SERTAD4: variants seen among roughly 807,000 people sequenced by gnomAD.
SERTAD4 encodes SERTA domain containing 4.
A neutral mutation model predicts 32.9 loss-of-function variants in SERTAD4; 18 were observed. The observed-to-expected ratio is 0.55, with a 90% CI of 0.38 to 0.81. The LOEUF (loss-of-function observed/expected upper bound fraction) is 0.81, where lower values mean the gene tolerates loss of function less well. Ranked by LOEUF, SERTAD4 falls within the 30% of genes least tolerant of loss-of-function variation. The pLI is 0.00. For synonymous variants in SERTAD4, 150 were observed against 156.4 expected, an observed-to-expected ratio of 0.96 and a Z score of 0.30; for missense variants, 383 against 426.0, an observed-to-expected ratio of 0.90 and a Z score of 0.89.
chr1:210,244,459 G>T lies in SERTAD4; in HGVS notation c.*2122G>T, dbSNP rs1475633204. 3 of 152,136 alleles carry T rather than the reference G, an allele frequency of 2.0e-5. No individual in the cohort carries two copies. The highest frequency in any genetic ancestry group is 4.4e-5 in the Non-Finnish European group (3 of 68,022). The allele number at this position is 152,136 out of a possible 1,614,324, so 9.4% of individuals were successfully genotyped here. On this transcript the variant is annotated 3_prime_UTR_variant, in exon 4 of 4. Coordinates refer to ENST00000367012, the MANE Select transcript of SERTAD4 (RefSeq NM_019605.5). ...ATTGCATTATGAACTGTCAAACTGT[G>T]AAGATGACCCATATGTAAACAGTTA...
In SERTAD4 at chr1:210,241,973, C is replaced by CT. The variant is rs989693586; in HGVS notation, c.710dup (p.Leu237PhefsTer11). ...TCTTCCTCTTCCTCTCCCCCTTTGC[C>CT]TTTACCGAGTTGTTCCCGCCAGGTG... On this transcript the variant is annotated frameshift_variant, in exon 4 of 4. Transcript: ENST00000367012. LOFTEE classifies it high-confidence loss of function. 1 of 1,614,030 alleles carries CT rather than the reference C, an allele frequency of 6.2e-7. No individual in the cohort carries two copies. The highest frequency in any genetic ancestry group is 8.5e-7 in the Non-Finnish European group (1 of 1,180,042).
chr1:210,241,523 T>G, intron 3 of SERTAD4, 35 bp from the exon 4 acceptor site: 2 of 1,459,768 alleles, frequency 1.4e-6, no homozygotes, highest in Non-Finnish European at 1.8e-6. Flanking sequence ...CCTTTTTCTG[T>G]TTGTTTTTTT....
rs947323901 is a variant in SERTAD4 at position 210,244,971 on chromosome 1, G to C, written c.*2634G>C. The C allele has an allele frequency of 3.3e-5, 5 of 152,158 alleles. No individual in the cohort carries two copies. The highest frequency in any genetic ancestry group is 1.2e-4 in the African/African-American group (5 of 41,424). 9.4% of individuals were successfully genotyped at this position (152,158 alleles called of 1,614,324 possible). ...CCAAACCACAAAAATTCTCTTGTTA[G>C]TAGGCGAGAGTGCTAGGACTTCCTG... On this transcript the variant is annotated 3_prime_UTR_variant, in exon 4 of 4. Transcript: ENST00000367012.
chr1:210,235,669 CTCACAACCAAAAAAG>C (rs987630472), intron 1 of SERTAD4, among the ~76,000 whole-genome samples: 4 of 152,020 alleles, frequency 2.6e-5, no homozygotes, highest in Admixed American at 1.3e-4. Flanking sequence ...GCTGAAATTC[CTCACAACCAAAAAAG>C]GTACTACCAA....
intron 1 of SERTAD4, chr1:210,233,983 G>C (rs754065398): frequency 9.6e-6 from 3 of 311,406 alleles, no homozygotes; most frequent in Non-Finnish European, 1.8e-5. Context: ...AAGGAAACTT[G>C]GTTTTTTTTT....
intron 3 of SERTAD4, among the ~76,000 whole-genome samples, chr1:210,239,851 T>A (rs1038296235): frequency 2.0e-5 from 3 of 152,170 alleles, no homozygotes; most frequent in Non-Finnish European, 2.9e-5. Flanking sequence ...TCCAAGGAAT[T>A]TTTTTTAACG....
intron 1 of SERTAD4, chr1:210,233,691 C>G (rs887865187): frequency 2.1e-6 from 1 of 470,630 alleles, no homozygotes; most frequent in African/African-American, 2.0e-5. Context: ...CTCTCGCTTC[C>G]CTTCCTCCCC....
At position 210,244,395 on chromosome 1, in the gene SERTAD4, A is replaced by G. The variant is rs2084028138; in HGVS notation, c.*2058A>G. The G allele has an allele frequency of 6.6e-6, 1 of 152,214 alleles. No homozygotes were observed. The highest frequency in any genetic ancestry group is 2.4e-5 in the African/African-American group (1 of 41,456). 9.4% of individuals were successfully genotyped at this position (152,214 alleles called of 1,614,324 possible). A position where few individuals can be genotyped will look rare whatever the true frequency, so the allele number is the denominator to read the frequency against. On this transcript the variant is annotated 3_prime_UTR_variant, in exon 4 of 4. Transcript: ENST00000367012. ...CCTTTCTGGAGTGTCTCTGAAAAAA[A>G]TTGTATAACACGAAGCCATAAATAC...
rs2084009803 is a variant in SERTAD4 at position 210,242,561 on chromosome 1, T to C, written c.*224T>C. 7.7e-7 allele frequency: 1 copy of C among 1,301,394 alleles called. No individual in the cohort carries two copies. Among genetic ancestry groups the C allele is most frequent in the South Asian group, 2.6e-5 (1 of 37,960 alleles). 80.6% of individuals were successfully genotyped at this position (1,301,394 alleles called of 1,614,324 possible). On this transcript the variant is annotated 3_prime_UTR_variant, in exon 4 of 4. Transcript: ENST00000367012. This position sits in a 1 kb window ranked among gnomAD's most constrained non-coding sequence, Gnocchi z 4.0. ...ATTTTTACCAAGGAAACGATTGACT[T>C]AATGCTTAAAAGTATATCATAGTTT...
In SERTAD4 at chr1:210,244,910, A is replaced by T. The variant is rs1456560716; in HGVS notation, c.*2573A>T. On this transcript the variant is annotated 3_prime_UTR_variant, in exon 4 of 4. Transcript: ENST00000367012. The stretch of plus-strand genomic sequence containing the variant: ...GGATATTTCTAGCATTGCAAAAAAA[A>T]ATTTCTTCACCAAACACTAATTCCT... 2 of 152,160 alleles carry T rather than the reference A, an allele frequency of 1.3e-5. No individual in the cohort carries two copies. The highest frequency in any genetic ancestry group is 2.9e-5 in the Non-Finnish European group (2 of 68,022). 9.4% of individuals were successfully genotyped at this position (152,160 alleles called of 1,614,324 possible). A position where few individuals can be genotyped will look rare whatever the true frequency, so the allele number is the denominator to read the frequency against.
chr1:210,237,998 C>G lies in SERTAD4; in HGVS notation c.38C>G (p.Pro13Arg), dbSNP rs144468837. The G allele has an allele frequency of 2.3e-3, 3,672 of 1,613,714 alleles. 36 individuals carry two copies. The highest frequency in any genetic ancestry group is 1.4e-3 in the Non-Finnish European group (1,619 of 1,179,898). Residue 13 changes from proline to arginine, a missense_variant, in exon 2 of 4, where the codon CCC (proline) becomes CGC (arginine). By Grantham distance (103) the Pro-to-Arg change is moderately radical (BLOSUM62 -2). Coordinates refer to ENST00000367012, the MANE Select transcript of SERTAD4 (RefSeq NM_019605.5). ...LVLSMNRFCE[P>R]IVSEGAAEIA... ...CTGTCCATGAATAGATTCTGCGAGC[C>G]CATTGTCTCGGAAGGAGCTGCTGAA...
In SERTAD4 at chr1:210,238,709, A is replaced by G. The variant is rs548249271; in HGVS notation, c.175+574A>G. ...TTGCAACCTATGGCATAAATGGGTA[A>G]AGCACACAATTGGTTTTAGGATTGT... On this transcript the variant is annotated intron_variant, in intron 2 of 3. Coordinates refer to ENST00000367012, the MANE Select transcript of SERTAD4 (RefSeq NM_019605.5). Among the ~76,000 whole-genome samples, 62 of 152,358 alleles carry G rather than the reference A, an allele frequency of 4.1e-4. 1 individual carries two copies. The South Asian group carries it at 0.013, about 32-fold the overall frequency.
rs1327633892 is a variant in SERTAD4 at position 210,244,231 on chromosome 1, G to A, written c.*1894G>A. 6.6e-6 allele frequency: 1 copy of A among 152,114 alleles called. No homozygotes were observed. The highest frequency in any genetic ancestry group is 2.4e-5 in the African/African-American group (1 of 41,418). 9.4% of individuals were successfully genotyped at this position (152,114 alleles called of 1,614,324 possible). A position where few individuals can be genotyped will look rare whatever the true frequency, so the allele number is the denominator to read the frequency against. ...ACACAGGAGTTTTCTAAATTAAAGA[G>A]TATTTTAAAATGCCAATCTGACAGG... On this transcript the variant is annotated 3_prime_UTR_variant, in exon 4 of 4. Transcript: ENST00000367012.
chr1:210,242,772 T>G lies in SERTAD4; in HGVS notation c.*435T>G, dbSNP rs1296221574. 5.1e-6 allele frequency: 5 copies of G among 981,930 alleles called. No individual in the cohort carries two copies. The highest frequency in any genetic ancestry group is 6.1e-6 in the Non-Finnish European group (5 of 826,082). The allele number at this position is 981,930 out of a possible 1,614,324, so 60.8% of individuals were successfully genotyped here. On this transcript the variant is annotated 3_prime_UTR_variant, in exon 4 of 4. Coordinates refer to ENST00000367012, the MANE Select transcript of SERTAD4 (RefSeq NM_019605.5). This position sits in a 1 kb window ranked among gnomAD's most constrained non-coding sequence, Gnocchi z 4.0. ...CCTGCTTCTTCTATATGATACAATA[T>G]TTTTTTTAAATAAAAGACTAAAGAC...
Position 210,242,807 on chromosome 1 carries a change from G to T in SERTAD4, c.*470G>T. 1 of 988,122 alleles carries T rather than the reference G, an allele frequency of 1.0e-6. No individual in the cohort carries two copies. Among genetic ancestry groups the T allele is most frequent in the African/African-American group, 1.7e-5 (1 of 57,372 alleles). The allele number at this position is 988,122 out of a possible 1,614,324, so 61.2% of individuals were successfully genotyped here. A position where few individuals can be genotyped will look rare whatever the true frequency, so the allele number is the denominator to read the frequency against. ...ATAAAAGACTAAAGACAGGGAGCTAGATGAAATGGCTTAATGGTGCTGTTA... is the reference window on the plus strand; with the variant it reads ...ATAAAAGACTAAAGACAGGGAGCTATATGAAATGGCTTAATGGTGCTGTTA... On this transcript the variant is annotated 3_prime_UTR_variant, in exon 4 of 4. Coordinates refer to ENST00000367012, the MANE Select transcript of SERTAD4 (RefSeq NM_019605.5). This position sits in a 1 kb window ranked among gnomAD's most constrained non-coding sequence, Gnocchi z 4.0.
intron 1 of SERTAD4, among the ~76,000 whole-genome samples, chr1:210,235,146 C>T (rs2083928597): frequency 6.6e-6 from 1 of 152,124 alleles, no homozygotes; most frequent in African/African-American, 2.4e-5. Flanking sequence ...TAAATTTTGC[C>T]ATAATGTATA....
chr1:210,243,751 G>T lies in SERTAD4; in HGVS notation c.*1414G>T, dbSNP rs528234797. On this transcript the variant is annotated 3_prime_UTR_variant, in exon 4 of 4. Transcript: ENST00000367012. ...AGTTTCCAAGTTTACTAATTGACTT[G>T]GGCCTGTTCAAATAATACTTCACAG... 4 of 152,160 alleles carry T rather than the reference G, an allele frequency of 2.6e-5. No individual in the cohort carries two copies. The South Asian group carries it at 6.2e-4, about 24-fold the overall frequency. The allele number at this position is 152,160 out of a possible 1,614,324, so 9.4% of individuals were successfully genotyped here. A position where few individuals can be genotyped will look rare whatever the true frequency, so the allele number is the denominator to read the frequency against.
At chr1:210,233,959 T>G (rs1373946030) in intron 1 of SERTAD4, 3 of 404,558 alleles carry the variant, frequency 7.4e-6, no homozygotes, top group East Asian at 1.7e-4. Context: ...ACCTTTGGTG[T>G]TTATTTCCCT....
rs1003971733 is a variant in SERTAD4 at position 210,235,661 on chromosome 1, T to G, written c.-17-2283T>G. 3.9e-5 allele frequency among the ~76,000 whole-genome samples: 6 copies of G among 152,160 alleles called. No homozygotes were observed. The East Asian group carries it at 1.2e-3, about 29-fold the overall frequency. The stretch of plus-strand genomic sequence containing the variant: ...AAATAATGCTAACAAATAGAAACGC[T>G]GAAATTCCTCACAACCAAAAAAGGT... On this transcript the variant is annotated intron_variant, in intron 1 of 3. Transcript: ENST00000367012.
Sources: gnomAD v4.1 joint callset for allele counts (sites outside exome capture counted in the v4.1 genomes callset) on GRCh38, gnomAD v4.1.1 for gene constraint, Gnocchi (gnomAD v3.1) non-coding constraint, MANE v1.5 for transcripts, NCBI Gene and HGNC (gene_info 2026-07-23, HGNC 2026-07-21) for gene names.